STARD9: variants seen among roughly 807,000 people sequenced by gnomAD.
STARD9 encodes the protein stAR-related lipid transfer protein 9.
A neutral mutation model predicts 399.8 loss-of-function variants in STARD9; 346 were observed. That is an observed-to-expected ratio of 0.87 (90% confidence interval 0.79 to 0.95). The LOEUF is 0.95. Among genes scored for constraint, STARD9 ranks in the 40% least tolerant of loss-of-function variants. STARD9 has a pLI of 0.00. For missense variants in STARD9, 5,832 were observed against 5,667.5 expected, an observed-to-expected ratio of 1.03 and a Z score of -0.93; for synonymous variants, 2,203 against 2,143.5, an observed-to-expected ratio of 1.03 and a Z score of -0.77.
rs773858409 is a variant in STARD9 at position 42,694,346 on chromosome 15, A to G, written c.12764+4A>G. The G allele has an allele frequency of 1.3e-6, 2 of 1,531,524 alleles. No individual in the cohort carries two copies. The highest frequency in any genetic ancestry group is 1.4e-5 in the African/African-American group (1 of 72,882). The allele number at this position is 1,531,524 out of a possible 1,614,324, so 94.9% of individuals were successfully genotyped here. Reference sequence around the variant, plus strand: ...CCTGGAAGGAGCTCTATGCACGGTAAGGACCCCCAGCCTGGAGTCGGGAGG... The same window carrying G: ...CCTGGAAGGAGCTCTATGCACGGTAGGGACCCCCAGCCTGGAGTCGGGAGG... On this transcript the variant is annotated splice_donor_region_variant and intron_variant, in intron 23 of 32. Coordinates refer to ENST00000290607, the MANE Select transcript of STARD9 (RefSeq NM_020759.3).
intron 26 of STARD9, among the ~76,000 whole-genome samples, chr15:42,697,546 CAG>C (rs2060870682): frequency 1.3e-5 from 2 of 152,156 alleles, no homozygotes; most frequent in African/African-American, 4.8e-5. Context: ...ATCCAAATAT[CAG>C]AAATTCAAAA....
chr15:42,625,623 C>T (rs998644856), intron 3 of STARD9, among the ~76,000 whole-genome samples: 1 of 149,218 alleles, frequency 6.7e-6, no homozygotes, highest in Non-Finnish European at 1.5e-5. Context: ...AGCCACCATG[C>T]CTGGCTGCTA....
At position 42,669,223 on chromosome 15, in the gene STARD9, C is replaced by T. The variant is rs752075399; in HGVS notation, c.1383C>T (p.Tyr461=). The T allele has an allele frequency of 1.7e-4, 255 of 1,537,034 alleles. No individual in the cohort carries two copies. The highest frequency in any genetic ancestry group is 2.1e-4 in the Non-Finnish European group (244 of 1,146,818). ...ATTGGCAGGCCCTCATGGAGCATTA[C>T]AGTGTGGACATCAACAGGAGGAGGG... ...WNDWQALMEH[Y]SVDINRRRAG... is the part of the protein sequence containing the mutation. The change falls in exon 16 of 33, where the codon TAC becomes TAT. Residue 461 remains tyrosine, a synonymous_variant. Transcript: ENST00000290607.
rs1247284397 is a variant in STARD9 at position 42,691,329 on chromosome 15, G to C, written c.9751G>C (p.Glu3251Gln). The C allele has an allele frequency of 1.3e-6, 2 of 1,537,226 alleles. No individual in the cohort carries two copies. The highest frequency in any genetic ancestry group is 1.7e-6 in the Non-Finnish European group (2 of 1,146,902). Residue 3251 changes from glutamate to glutamine, a missense_variant, in exon 23 of 33, where the codon GAG (glutamate) becomes CAG (glutamine). By Grantham distance (29) the Glu-to-Gln change is conservative (BLOSUM62 2). This residue lies in a region of STARD9 where 5,828 missense variants were observed against 5,651.1 expected (regional missense o/e 1.03). Coordinates refer to ENST00000290607, the MANE Select transcript of STARD9 (RefSeq NM_020759.3). ...GCQILDAGRE[E>Q]VAVAKPPVSK... ...TCAGATTTTAGATGCTGGGAGAGAG[G>C]AGGTGGCTGTGGCCAAGCCTCCTGT...
intron 7 of STARD9, among the ~76,000 whole-genome samples, chr15:42,648,249 G>A (rs903699818): frequency 2.0e-5 from 3 of 152,022 alleles, no homozygotes; most frequent in Non-Finnish European, 2.9e-5. Context: ...TGCAACCTCC[G>A]CCTCCTGGGT....
chr15:42,674,503 A>G lies in STARD9; in HGVS notation c.1549+12A>G, dbSNP rs2060269013. On this transcript the variant is annotated intron_variant, in intron 17 of 32. Coordinates refer to ENST00000290607, the MANE Select transcript of STARD9 (RefSeq NM_020759.3). ...GGAACAGGACATTGGTAAGTGGCAG[A>G]GTATATGAGTCCAGCATTTTGGGGC... 4 of 1,536,484 alleles carry G rather than the reference A, an allele frequency of 2.6e-6. No homozygotes were observed. The South Asian group carries it at 4.8e-5, about 18-fold the overall frequency.
chr15:42,581,510 G>A, intron 1 of STARD9: 1 of 1,444,678 alleles, frequency 6.9e-7, no homozygotes, highest in East Asian at 2.4e-5. Flanking sequence ...CGGGCTCTGG[G>A]CTTTGTGTGG....
intron 9 of STARD9, among the ~76,000 whole-genome samples, chr15:42,657,665 A>C (rs2059903097): frequency 1.3e-5 from 2 of 152,244 alleles, no homozygotes; most frequent in Admixed American, 6.5e-5. Flanking sequence ...AGAACACTTC[A>C]TCCAACATCA....
In STARD9 at chr15:42,692,249, A is replaced by G. The variant is rs1286984819; in HGVS notation, c.10671A>G (p.Val3557=). 2 of 1,536,946 alleles carry G rather than the reference A, an allele frequency of 1.3e-6. No individual in the cohort carries two copies. Among genetic ancestry groups the G allele is most frequent in the Non-Finnish European group, 1.7e-6 (2 of 1,146,894 alleles). The stretch of plus-strand genomic sequence containing the variant: ...AGGGTTCAAATGAGGCCTGGGAAGT[A>G]TTCCGAGGGAGTTCTTCAATTGCCT... ...NAQGSNEAWE[V]FRGSSSIALG... is the part of the protein sequence containing the mutation. Residue 3557 remains valine (V), a synonymous_variant, in exon 23 of 33, where the codon GTA becomes GTG. Coordinates refer to ENST00000290607, the MANE Select transcript of STARD9 (RefSeq NM_020759.3).
intron 26 of STARD9, among the ~76,000 whole-genome samples, chr15:42,712,676 A>G (rs567147466): frequency 2.6e-4 from 39 of 152,270 alleles, no homozygotes; most frequent in South Asian, 2.1e-4. Flanking sequence ...ATTGATCTAC[A>G]TATCTATCCT....
chr15:42,653,063 G>A (rs754419076), intron 9 of STARD9, among the ~76,000 whole-genome samples: 9 of 152,128 alleles, frequency 5.9e-5, no homozygotes, highest in South Asian at 4.1e-4. Flanking sequence ...CACACAATCC[G>A]TTAAGCTATA....
At chr15:42,648,913 T>C (rs1173104774) in intron 7 of STARD9, among the ~76,000 whole-genome samples, 1 of 152,152 alleles carries the variant, frequency 6.6e-6, no homozygotes, top group African/African-American at 2.4e-5. Context: ...AATTAATTTA[T>C]TTATTAGACA....
In STARD9 at chr15:42,692,836, A is replaced by C. The variant is rs898714311; in HGVS notation, c.11258A>C (p.Glu3753Ala). The C allele has an allele frequency of 6.5e-7, 1 of 1,537,142 alleles. No homozygotes were observed. The highest frequency in any genetic ancestry group is 8.7e-7 in the Non-Finnish European group (1 of 1,146,922). Residue 3753 changes from glutamate (E) to alanine (A), a missense_variant, in exon 23 of 33, where the codon GAA (glutamate) becomes GCA (alanine). Coordinates refer to ENST00000290607, the MANE Select transcript of STARD9 (RefSeq NM_020759.3). The part of the protein sequence containing the change: ...PTLCLQTSEA[E>A]PQGANVILEG... Reference sequence around the variant, plus strand: ...CTGTGCCTCCAGACTTCAGAGGCTGAACCTCAGGGAGCCAATGTGATCCTT... The same window carrying C: ...CTGTGCCTCCAGACTTCAGAGGCTGCACCTCAGGGAGCCAATGTGATCCTT...
chr15:42,682,037 T>C (rs2060441796), intron 21 of STARD9, 67 bp from the exon 22 acceptor site: 1 of 1,085,372 alleles, frequency 9.2e-7, no homozygotes, highest in East Asian at 2.6e-5. Flanking sequence ...TGGAGGTATC[T>C]GAGTCCAGGC....
chr15:42,656,280 G>C (rs2059868403), intron 9 of STARD9, among the ~76,000 whole-genome samples: 2 of 131,566 alleles, frequency 1.5e-5, no homozygotes, highest in South Asian at 5.1e-4. Flanking sequence ...CTGGGAGGCA[G>C]AGGTTGCAGT....
Position 42,634,836 on chromosome 15 carries a change from C to G in STARD9, c.235-20C>G, listed in dbSNP as rs756765568. The stretch of plus-strand genomic sequence containing the variant: ...AGAAGAAGGACCACAGTGATATTTC[C>G]TCTGCTTTTGTTGTTACAGGTTTTC... On this transcript the variant is annotated intron_variant, in intron 3 of 32. Coordinates refer to ENST00000290607, the MANE Select transcript of STARD9 (RefSeq NM_020759.3). The G allele has an allele frequency of 9.1e-6, 12 of 1,315,628 alleles. No homozygotes were observed. Among genetic ancestry groups the G allele is most frequent in the Non-Finnish European group, 1.3e-5 (12 of 953,758 alleles). 81.5% of individuals were successfully genotyped at this position (1,315,628 alleles called of 1,614,324 possible).
At chr15:42,717,657 A>T in intron 28 of STARD9, 74 bp from the exon 29 acceptor site, 2 of 1,303,286 alleles carry the variant, frequency 1.5e-6, no homozygotes, top group Non-Finnish European at 2.1e-6. Flanking sequence ...TAGCAGATGC[A>T]GGCCAGACTG....
In STARD9 at chr15:42,669,241, G is replaced by A; in HGVS notation, c.1401G>A (p.Arg467=). The stretch of plus-strand genomic sequence containing the variant: ...AGCATTACAGTGTGGACATCAACAG[G>A]AGGAGGGCTGGGGTGGTCATCGACT... The part of the protein sequence containing the change: ...LMEHYSVDIN[R]RRAGVVIDSS... The change falls in exon 16 of 33, where the codon AGG becomes AGA. Residue 467 remains arginine, a synonymous_variant. Transcript: ENST00000290607. 6.5e-7 allele frequency: 1 copy of A among 1,537,138 alleles called. No homozygotes were observed. Among genetic ancestry groups the A allele is most frequent in the Non-Finnish European group, 8.7e-7 (1 of 1,146,816 alleles).
intron 26 of STARD9, among the ~76,000 whole-genome samples, chr15:42,705,564 A>G (rs1200417760): frequency 6.6e-6 from 1 of 151,728 alleles, no homozygotes; most frequent in Non-Finnish European, 1.5e-5. Context: ...CACTCCGAGT[A>G]CCTGGGACTA....
Sources: gnomAD v4.1 joint callset for allele counts (sites outside exome capture counted in the v4.1 genomes callset) on GRCh38, gnomAD v4.1.1 for gene constraint, gnomAD v4.1.1 regional missense constraint, MANE v1.5 for transcripts, NCBI Gene and HGNC (gene_info 2026-07-23, HGNC 2026-07-21) for gene names.